Variants in ZDHHC18 observed in about 807,000 individuals in gnomAD.
ZDHHC18 encodes palmitoyltransferase ZDHHC18.
ZDHHC18 carries 23 observed loss-of-function variants against 37.5 expected under a neutral mutation model. The ratio of observed to expected loss-of-function variants is 0.61; its 90% confidence interval spans 0.44 to 0.87. ZDHHC18 has a LOEUF of 0.87. ZDHHC18 is among the 40% of genes least tolerant of loss of function. ZDHHC18 has a pLI of 0.00. For missense variants in ZDHHC18, 406 were observed against 525.6 expected (o/e 0.77, Z 2.22); for synonymous variants, 185 against 218.7 (o/e 0.85, Z 1.36).
At chr1:26,839,186 C>T (rs2081627072) in intron 2 of ZDHHC18, among the ~76,000 whole-genome samples, 1 of 152,222 alleles carries the variant, frequency 6.6e-6, no homozygotes, top group Non-Finnish European at 1.5e-5. Flanking sequence ...TGCTTTTCGT[C>T]TCATTTTCAC....
chr1:26,829,264 G>T (rs1469957772), intron 1 of ZDHHC18, among the ~76,000 whole-genome samples: 1 of 152,070 alleles, frequency 6.6e-6, no homozygotes, highest in African/African-American at 2.4e-5. Context: ...GTGGATTGTT[G>T]CACAGGCCTC....
chr1:26,828,610 A>G (rs2081570229), intron 1 of ZDHHC18, among the ~76,000 whole-genome samples: 1 of 152,074 alleles, frequency 6.6e-6, no homozygotes, highest in Non-Finnish European at 1.5e-5. Flanking sequence ...CTGCCAGATC[A>G]TGTATCTGCA....
chr1:26,852,711 G>A (rs747944520), intron 6 of ZDHHC18, 42 bp from the exon 7 acceptor site: 1 of 1,575,518 alleles, frequency 6.3e-7, no homozygotes, highest in Admixed American at 1.7e-5. Context: ...GAAAAGTGAA[G>A]CAAAAGGAGG....
intron 1 of ZDHHC18, among the ~76,000 whole-genome samples, chr1:26,830,091 G>C (rs931023065): frequency 3.9e-5 from 6 of 152,224 alleles, no homozygotes; most frequent in Non-Finnish European, 5.9e-5. Context: ...CTCAGGGGAA[G>C]GGCTTCTCTG....
chr1:26,848,270 G>A (rs1298364704), intron 2 of ZDHHC18, among the ~76,000 whole-genome samples: 5 of 151,552 alleles, frequency 3.3e-5, no homozygotes, highest in South Asian at 2.1e-4. Context: ...TGAGATTCAC[G>A]CCACTGTACT....
intron 1 of ZDHHC18, among the ~76,000 whole-genome samples, chr1:26,829,492 C>T (rs2081574343): frequency 6.6e-6 from 1 of 152,168 alleles, no homozygotes; most frequent in African/African-American, 2.4e-5. Context: ...CTCACTCTCT[C>T]ACATTAGGCC....
chr1:26,826,930 C>T lies in ZDHHC18; in HGVS notation c.126C>T (p.Ala42=). 1 of 1,079,036 alleles carries T rather than the reference C, an allele frequency of 9.3e-7. No individual in the cohort carries two copies. The highest frequency in any genetic ancestry group is 4.4e-5 in the South Asian group (1 of 22,982). The allele number at this position is 1,079,036 out of a possible 1,614,324, so 66.8% of individuals were successfully genotyped here. A position where few individuals can be genotyped will look rare whatever the true frequency, so the allele number is the denominator to read the frequency against. The change falls in exon 1 of 8, where the codon GCC becomes GCT. Residue 42 remains alanine (A), a synonymous_variant. Coordinates refer to ENST00000374142, the MANE Select transcript of ZDHHC18 (RefSeq NM_032283.3). The surrounding 1 kb of genome is among the most constrained non-coding windows in gnomAD (Gnocchi z 5.2). ...GCCCCGGGCCCGCGCCGCCCGCCGC[C>T]CCCGCCCCGCCGCGCTGGAGCAGCA... ...TPGPGPAPPA[A]PAPPRWSSSG...
chr1:26,846,323 T>A lies in ZDHHC18; in HGVS notation c.497-2285T>A, dbSNP rs1326325563. Among the ~76,000 whole-genome samples the A allele has an allele frequency of 6.1e-5, 5 of 82,274 alleles. No homozygotes were observed. The South Asian group carries it at 1.4e-3, about 24-fold the overall frequency. 54.0% of individuals were successfully genotyped at this position (82,274 alleles called of 152,430 possible). On this transcript the variant is annotated intron_variant, in intron 2 of 7. Coordinates refer to ENST00000374142, the MANE Select transcript of ZDHHC18 (RefSeq NM_032283.3). ...ATATATATATATATTTTTTTTTTTTTTTTTTTTTTTTTTTTTTTTTTGAGG... is the reference window on the plus strand; with the variant it reads ...ATATATATATATATTTTTTTTTTTTATTTTTTTTTTTTTTTTTTTTTGAGG...
chr1:26,844,561 G>A (rs1333297012), intron 2 of ZDHHC18, among the ~76,000 whole-genome samples: 1 of 152,192 alleles, frequency 6.6e-6, no homozygotes, highest in Non-Finnish European at 1.5e-5. Context: ...GCACATTGCT[G>A]TTGGGTAGAT....
intron 1 of ZDHHC18, among the ~76,000 whole-genome samples, chr1:26,831,664 G>C (rs2081589327): frequency 6.6e-6 from 1 of 152,162 alleles, no homozygotes; most frequent in African/African-American, 2.4e-5. Context: ...GTGGTAGGCA[G>C]CCTCCCTGGG....
Position 26,830,124 on chromosome 1 carries a change from G to A in ZDHHC18, c.336-2323G>A, listed in dbSNP as rs570422635. On this transcript the variant is annotated intron_variant, in intron 1 of 7. Transcript: ENST00000374142. Reference sequence around the variant, plus strand: ...CTGAAGGCCAGAGCATCTGATGACGGAGACTTCAGAAGCAGCATGCAGGTG... The same window carrying A: ...CTGAAGGCCAGAGCATCTGATGACGAAGACTTCAGAAGCAGCATGCAGGTG... 1.6e-3 allele frequency among the ~76,000 whole-genome samples: 250 copies of A among 152,350 alleles called. 1 individual carries two copies. The highest frequency in any genetic ancestry group is 5.7e-3 in the African/African-American group (236 of 41,586).
chr1:26,827,441 A>G (rs1403389225), intron 1 of ZDHHC18, among the ~76,000 whole-genome samples: 1 of 150,934 alleles, frequency 6.6e-6, no homozygotes, highest in Non-Finnish European at 1.5e-5. Context: ...CACTGCCAGG[A>G]ACACCAGCCT....
At chr1:26,830,754 TG>T (rs200257016) in intron 1 of ZDHHC18, among the ~76,000 whole-genome samples, 9,058 of 136,280 alleles carry the variant, frequency 0.066, 349 homozygotes, top group Non-Finnish European at 0.09. Flanking sequence ...GAGGAGCTTA[TG>T]TTTTTTTATG....
chr1:26,828,201 A>G (rs1037689563), intron 1 of ZDHHC18, among the ~76,000 whole-genome samples: 2 of 21,066 alleles, frequency 9.5e-5, no homozygotes, highest in East Asian at 3.7e-3. Context: ...TCACACGCCC[A>G]CCCACCCACC....
chr1:26,836,054 C>A (rs2081609941), intron 2 of ZDHHC18, among the ~76,000 whole-genome samples: 1 of 152,208 alleles, frequency 6.6e-6, no homozygotes, highest in South Asian at 2.1e-4. Flanking sequence ...CATCTGAGAT[C>A]CTGTCTTGCC....
At chr1:26,845,078 C>G (rs140237379) in intron 2 of ZDHHC18, among the ~76,000 whole-genome samples, 2,354 of 152,008 alleles carry the variant, frequency 0.015, 56 homozygotes, top group African/African-American at 0.052. Flanking sequence ...GCATGCGCCA[C>G]CATGCCCGGC....
intron 2 of ZDHHC18, among the ~76,000 whole-genome samples, chr1:26,833,955 A>G (rs1194797504): frequency 6.6e-6 from 1 of 152,108 alleles, no homozygotes; most frequent in Non-Finnish European, 1.5e-5. Flanking sequence ...TCCTCTGCCC[A>G]GCCCCATCCT....
intron 2 of ZDHHC18, 132 bp downstream of exon 2, chr1:26,832,739 G>T: frequency 9.4e-7 from 1 of 1,058,424 alleles, no homozygotes; most frequent in Non-Finnish European, 1.3e-6. Flanking sequence ...GCAGGCTGGA[G>T]CTGACACTGG....
At position 26,854,046 on chromosome 1, in the gene ZDHHC18, C is replaced by T; in HGVS notation, c.*203C>T. ...AAACCCAGGTTCCCACAGCCTTGGG[C>T]CCTAGGTACCCCAGCTGATCAGTGC... On this transcript the variant is annotated 3_prime_UTR_variant, in exon 8 of 8. Transcript: ENST00000374142. The surrounding 1 kb of genome is among the most constrained non-coding windows in gnomAD (Gnocchi z 4.6). The T allele has an allele frequency of 1.7e-6, 1 of 587,070 alleles. No individual in the cohort carries two copies. The highest frequency in any genetic ancestry group is 3.0e-5 in the Admixed American group (1 of 33,764). The allele number at this position is 587,070 out of a possible 1,614,324, so 36.4% of individuals were successfully genotyped here.
Sources: allele counts gnomAD v4.1 joint callset (sites outside exome capture counted in the v4.1 genomes callset), GRCh38; gene constraint gnomAD v4.1.1; non-coding constraint Gnocchi (gnomAD v3.1); transcripts MANE v1.5; gene names NCBI Gene and HGNC (gene_info 2026-07-23, HGNC 2026-07-21).